The following CCDC192 variants were observed in gnomAD, a reference collection of about 807,000 sequenced individuals.
CCDC192 encodes coiled-coil domain containing 192, also known as coiled-coil domain-containing protein 192.
chr5:127,725,423 G>A (rs1008684740), intron 2 of CCDC192, among the ~76,000 whole-genome samples: 2 of 152,046 alleles, frequency 1.3e-5, no homozygotes, highest in African/African-American at 4.8e-5. Flanking sequence ...GTTTCTAGTA[G>A]CCAAATTGAA....
At chr5:127,847,652 G>A (rs1387373368) in intron 5 of CCDC192, among the ~76,000 whole-genome samples, 3 of 151,690 alleles carry the variant, frequency 2.0e-5, no homozygotes, top group South Asian at 2.1e-4. Context: ...GTGAAACTCC[G>A]TCTCTACTAA....
intron 1 of CCDC192, among the ~76,000 whole-genome samples, chr5:127,706,590 C>T (rs1327103466): frequency 6.8e-6 from 1 of 147,382 alleles, no homozygotes; most frequent in Non-Finnish European, 1.5e-5. Flanking sequence ...GAATCTGTTA[C>T]ATCTGTGAGG....
At chr5:127,811,954 T>C (rs1345313110) in intron 5 of CCDC192, among the ~76,000 whole-genome samples, 2 of 152,178 alleles carry the variant, frequency 1.3e-5, no homozygotes, top group South Asian at 4.1e-4. Context: ...ATAAACTGCA[T>C]GTATAGAACA....
chr5:127,737,686 G>T (rs1224298762), intron 2 of CCDC192, among the ~76,000 whole-genome samples: 1 of 151,634 alleles, frequency 6.6e-6, no homozygotes, highest in Non-Finnish European at 1.5e-5. Context: ...ATTATGTAAT[G>T]GCCTTCTTTG....
At chr5:127,919,427 GAAAA>G (rs956203240) in intron 6 of CCDC192, among the ~76,000 whole-genome samples, 1 of 129,210 alleles carries the variant, frequency 7.7e-6, no homozygotes, top group Non-Finnish European at 1.5e-5. Context: ...CTGTGGATAC[GAAAA>G]AAAACTTCCA....
chr5:127,749,921 C>T (rs1323861931), intron 2 of CCDC192, among the ~76,000 whole-genome samples: 1 of 152,108 alleles, frequency 6.6e-6, no homozygotes, highest in African/African-American at 2.4e-5. Flanking sequence ...ATAGTATTCT[C>T]TGATGGTAGT....
At chr5:127,856,206 T>C (rs376780971) in intron 5 of CCDC192, among the ~76,000 whole-genome samples, 95 of 152,368 alleles carry the variant, frequency 6.2e-4, no homozygotes, top group African/African-American at 2.2e-3. Context: ...CTACAGCTTC[T>C]ACCTCAGCAA....
chr5:127,750,442 C>A (rs2126863048), intron 2 of CCDC192, among the ~76,000 whole-genome samples: 1 of 152,088 alleles, frequency 6.6e-6, no homozygotes, highest in East Asian at 1.9e-4. Flanking sequence ...GATTCTTAAT[C>A]CTGAGTTCTA....
rs551377885 is a variant in CCDC192 at position 127,786,051 on chromosome 5, T to G, written c.223-11052T>G. On this transcript the variant is annotated intron_variant, in intron 3 of 6. Coordinates refer to ENST00000514853, the MANE Select transcript of CCDC192 (RefSeq NM_001317938.2). ...TCTCCAGCAGTTTTTTCAATTCTCC[T>G]AGGTCATTCTGGATTCTAGATACAA... The G allele has an allele frequency of 3.9e-5, 26 of 667,518 alleles. No homozygotes were observed. In the African/African-American group the frequency reaches 4.7e-4, roughly 12 times the overall value. The allele number at this position is 667,518 out of a possible 1,614,324, so 41.3% of individuals were successfully genotyped here. A position where few individuals can be genotyped will look rare whatever the true frequency, so the allele number is the denominator to read the frequency against.
intron 6 of CCDC192, among the ~76,000 whole-genome samples, chr5:127,884,396 A>AG (rs1752486318): frequency 6.6e-6 from 1 of 151,020 alleles, no homozygotes; most frequent in Non-Finnish European, 1.5e-5. Flanking sequence ...GCATCTCAAA[A>AG]AAAAAAAAAT....
intron 2 of CCDC192, among the ~76,000 whole-genome samples, chr5:127,708,148 C>A (rs1350749526): frequency 6.6e-6 from 1 of 152,258 alleles, no homozygotes; most frequent in Admixed American, 6.5e-5. Flanking sequence ...ACATTGGGTA[C>A]AACACAGTAT....
intron 2 of CCDC192, among the ~76,000 whole-genome samples, chr5:127,742,804 G>C (rs1753497060): frequency 6.6e-6 from 1 of 152,094 alleles, no homozygotes; most frequent in Non-Finnish European, 1.5e-5. Context: ...CTTCAAAGTG[G>C]AATCAATTTG....
intron 5 of CCDC192, among the ~76,000 whole-genome samples, chr5:127,839,466 C>G (rs916269069): frequency 6.6e-6 from 1 of 152,104 alleles, no homozygotes; most frequent in African/African-American, 2.4e-5. Context: ...CAATAGTAAT[C>G]TTAGTAGAAT....
intron 5 of CCDC192, among the ~76,000 whole-genome samples, chr5:127,813,996 A>C (rs909103186): frequency 2.0e-5 from 3 of 152,232 alleles, no homozygotes; most frequent in African/African-American, 7.2e-5. Context: ...ACTGATCCTC[A>C]CAAGCCAGTT....
intron 3 of CCDC192, chr5:127,785,187 C>A (rs1223539292): frequency 7.6e-6 from 4 of 528,256 alleles, no homozygotes; most frequent in Middle Eastern, 5.1e-4. Flanking sequence ...CTCCTTTAGA[C>A]AACTGATATA....
At chr5:127,917,968 C>G (rs759849618) in intron 6 of CCDC192, among the ~76,000 whole-genome samples, 7 of 151,826 alleles carry the variant, frequency 4.6e-5, no homozygotes, top group Non-Finnish European at 1.0e-4. Context: ...AGTGAGACCT[C>G]GTCTCTACAA....
At chr5:127,752,634 G>A (rs1754268772) in intron 2 of CCDC192, among the ~76,000 whole-genome samples, 2 of 152,230 alleles carry the variant, frequency 1.3e-5, no homozygotes, top group African/African-American at 4.8e-5. Context: ...GCTGTGGTGG[G>A]CTCCACCCAG....
At chr5:127,850,543 G>A (rs557366678) in intron 5 of CCDC192, among the ~76,000 whole-genome samples, 1 of 152,244 alleles carries the variant, frequency 6.6e-6, no homozygotes, top group South Asian at 2.1e-4. Flanking sequence ...GCAGGCCAAC[G>A]TCCCTTGCAG....
Position 127,707,764 on chromosome 5 carries a change from A to G in CCDC192, c.114+4A>G. The G allele has an allele frequency of 2.5e-6, 1 of 398,690 alleles. No homozygotes were observed. The highest frequency in any genetic ancestry group is 4.4e-6 in the Non-Finnish European group (1 of 225,852). 24.7% of individuals were successfully genotyped at this position (398,690 alleles called of 1,614,324 possible). ...ACCACAAGAAAACAAAGTATCGGTA[A>G]GAAATGAAGTTTGTATGAATTCTTT... On this transcript the variant is annotated splice_donor_region_variant and intron_variant, in intron 2 of 6. Transcript: ENST00000514853.
Sources: allele counts gnomAD v4.1 joint callset (sites outside exome capture counted in the v4.1 genomes callset), GRCh38; gene constraint gnomAD v4.1.1; transcripts MANE v1.5; gene names NCBI Gene and HGNC (gene_info 2026-07-23, HGNC 2026-07-21).